Variants in CTNNA2 observed in about 807,000 individuals in gnomAD.
CTNNA2 encodes catenin alpha 2, also known as catenin alpha-2.
Under a neutral mutation model 101.0 loss-of-function variants are expected in CTNNA2, and 42 were observed. The observed-to-expected ratio is 0.42, with a 90% CI of 0.32 to 0.54. The LOEUF is 0.54. CTNNA2 is among the 20% of genes least tolerant of loss of function. The pLI is 0.14. For missense variants in CTNNA2, 871 were observed against 1,223.1 expected (o/e 0.71, Z 4.29); for synonymous variants, 450 against 456.4 (o/e 0.99, Z 0.18).
At chr2:79,893,091 C>T (rs930180255) in intron 6 of CTNNA2, among the ~76,000 whole-genome samples, 9 of 152,034 alleles carry the variant, frequency 5.9e-5, no homozygotes, top group Non-Finnish European at 1.3e-4. Flanking sequence ...AATCTCTCCC[C>T]AGATCACTTT....
At position 80,628,594 on chromosome 2, in the gene CTNNA2, A is replaced by C. The variant is rs150798980; in HGVS notation, c.2574+9366A>C. Among the ~76,000 whole-genome samples the C allele has an allele frequency of 3.8e-3, 581 of 152,064 alleles. 7 individuals carry two copies. The highest frequency in any genetic ancestry group is 0.012 in the African/African-American group (493 of 41,484). On this transcript the variant is annotated intron_variant, in intron 18 of 18. Transcript: ENST00000402739. ...AAAACCTATTCTTACACCTTATACA[A>C]AACCTATTCTTTGTAGTTTTTTGAA...
rs557233153 is a variant in CTNNA2, at chr2:79,453,209, A to T, written c.-134-51845A>T. Among the ~76,000 whole-genome samples, 10 of 152,284 alleles carry T rather than the reference A, an allele frequency of 6.6e-5. No individual in the cohort carries two copies. In the East Asian group the frequency reaches 1.9e-3, roughly 29 times the overall value. The stretch of plus-strand genomic sequence containing the variant: ...TTAATGTCTTATATAAATACTATGT[A>T]CACTTTGAGCATATTCCTGCACATT... On this transcript the variant is annotated intron_variant, in intron 4 of 21. Transcript: ENST00000466387.
At chr2:79,270,600 C>G (rs750040828) in intron 2 of CTNNA2, among the ~76,000 whole-genome samples, 14 of 152,006 alleles carry the variant, frequency 9.2e-5, no homozygotes, top group Non-Finnish European at 1.9e-4. Flanking sequence ...ACCTGTTCCT[C>G]TCTATGCAGC....
chr2:79,528,784 G>T (rs1185202598), intron 1 of CTNNA2, among the ~76,000 whole-genome samples: 3 of 152,024 alleles, frequency 2.0e-5, no homozygotes, highest in Non-Finnish European at 4.4e-5. Flanking sequence ...ATTTAATTAT[G>T]TTTATATCTA....
At chr2:80,259,087 G>T (rs1672397313) in intron 7 of CTNNA2, among the ~76,000 whole-genome samples, 1 of 152,078 alleles carries the variant, frequency 6.6e-6, no homozygotes, top group Non-Finnish European at 1.5e-5. Context: ...TTCGTTCCAG[G>T]AGTGATTGAC....
chr2:80,570,234 AG>A (rs1267567553), intron 12 of CTNNA2, among the ~76,000 whole-genome samples: 1 of 152,104 alleles, frequency 6.6e-6, no homozygotes, highest in East Asian at 1.9e-4. Context: ...TTTTTAGTAG[AG>A]GTGGGGTTTC....
intron 7 of CTNNA2, among the ~76,000 whole-genome samples, chr2:80,187,435 A>G (rs1191822236): frequency 1.3e-5 from 2 of 152,250 alleles, no homozygotes; most frequent in African/African-American, 4.8e-5. Flanking sequence ...AAGTGCTGTC[A>G]CAGGTTTCTG....
chr2:80,340,632 T>G (rs1672142182), intron 7 of CTNNA2, among the ~76,000 whole-genome samples: 1 of 152,166 alleles, frequency 6.6e-6, no homozygotes, highest in African/African-American at 2.4e-5. Context: ...GACCACAGAC[T>G]TAGAGTCTCA....
chr2:79,961,565 G>A (rs1465258288), intron 7 of CTNNA2, among the ~76,000 whole-genome samples: 2 of 152,204 alleles, frequency 1.3e-5, no homozygotes, highest in Admixed American at 6.5e-5. Flanking sequence ...GCTCACGCCT[G>A]TAATCCCAGC....
At chr2:79,542,078 A>G (rs1383003925) in intron 1 of CTNNA2, among the ~76,000 whole-genome samples, 2 of 151,874 alleles carry the variant, frequency 1.3e-5, no homozygotes, top group Non-Finnish European at 2.9e-5. Context: ...TAGGCTTTAT[A>G]CTTCTGCAAC....
rs571182660 is a variant in CTNNA2 at position 79,784,552 on chromosome 2, T to A, written c.298+39970T>A. On this transcript the variant is annotated intron_variant, in intron 3 of 18. Transcript: ENST00000402739. ...AAGTTCAAAGCCAAATTTCTGTTTT[T>A]TTCTCCCCAAACCTGCTCTTGCCCC... Among the ~76,000 whole-genome samples the A allele has an allele frequency of 8.6e-5, 13 of 151,404 alleles. No individual in the cohort carries two copies. In the South Asian group the frequency reaches 2.7e-3, roughly 32 times the overall value.
At chr2:79,390,265 C>G (rs184066469) in intron 4 of CTNNA2, among the ~76,000 whole-genome samples, 1 of 152,212 alleles carries the variant, frequency 6.6e-6, no homozygotes, top group Non-Finnish European at 1.5e-5. Context: ...AACAACTAAA[C>G]AGAACCTGGT....
chr2:80,410,879 G>A (rs1214304398), intron 8 of CTNNA2, among the ~76,000 whole-genome samples: 2 of 152,152 alleles, frequency 1.3e-5, no homozygotes, highest in African/African-American at 2.4e-5. Context: ...ATAGACTATG[G>A]AAAAGATGTA....
intron 3 of CTNNA2, among the ~76,000 whole-genome samples, chr2:79,773,917 A>C (rs774084044): frequency 1.3e-5 from 2 of 152,096 alleles, no homozygotes; most frequent in Admixed American, 1.3e-4. Flanking sequence ...GTTAGTGTAA[A>C]ATCTTGGCTG....
intron 7 of CTNNA2, among the ~76,000 whole-genome samples, chr2:80,213,959 C>T (rs940912996): frequency 6.6e-6 from 1 of 152,124 alleles, no homozygotes; most frequent in Non-Finnish European, 1.5e-5. Flanking sequence ...ATGCCTTTAC[C>T]ATTAAGTAAT....
At chr2:80,531,321 G>A (rs1443679226) in intron 9 of CTNNA2, among the ~76,000 whole-genome samples, 4 of 152,192 alleles carry the variant, frequency 2.6e-5, no homozygotes, top group African/African-American at 2.4e-5. Flanking sequence ...CCTTCTATTA[G>A]ATATACTCTA....
chr2:80,431,904 T>TTTTTTC (rs1574025525), intron 9 of CTNNA2, among the ~76,000 whole-genome samples: 1 of 152,140 alleles, frequency 6.6e-6, no homozygotes, highest in Non-Finnish European at 1.5e-5. Flanking sequence ...TTTTGGTTTT[T>TTTTTTC]TTTTTCTTTT....
At chr2:80,358,415 A>G (rs549104426) in intron 7 of CTNNA2, among the ~76,000 whole-genome samples, 1 of 147,786 alleles carries the variant, frequency 6.8e-6, no homozygotes, top group African/African-American at 2.5e-5. Context: ...CAATGGCGCA[A>G]TCTTGGCTCA....
chr2:79,558,771 A>G (rs1328720338), intron 1 of CTNNA2, among the ~76,000 whole-genome samples: 1 of 151,970 alleles, frequency 6.6e-6, no homozygotes, highest in Non-Finnish European at 1.5e-5. Context: ...TGTGGAAACA[A>G]TGGGAGCTTT....
Sources: gnomAD v4.1 joint callset for allele counts (sites outside exome capture counted in the v4.1 genomes callset) on GRCh38, gnomAD v4.1.1 for gene constraint, MANE v1.5 for transcripts, NCBI Gene and HGNC (gene_info 2026-07-23, HGNC 2026-07-21) for gene names.